ANKS1B: variants seen among roughly 807,000 people sequenced by gnomAD.
ANKS1B encodes ankyrin repeat and sterile alpha motif domain containing 1B.
ANKS1B carries 36 observed loss-of-function variants against 148.3 expected under a neutral mutation model. That is an observed-to-expected ratio of 0.24 (90% CI 0.19 to 0.32). ANKS1B has a LOEUF of 0.32. Among genes scored for constraint, ANKS1B ranks in the 10% least tolerant of loss-of-function variants. ANKS1B has a pLI of 1.00. For missense variants in ANKS1B, 1,157 were observed against 1,542.6 expected, an observed-to-expected ratio of 0.75 and a Z score of 4.19; for synonymous variants, 542 against 560.8, an observed-to-expected ratio of 0.97 and a Z score of 0.47.
intron 2 of ANKS1B, among the ~76,000 whole-genome samples, chr12:99,816,586 AC>A (rs1304630224): frequency 1.3e-5 from 2 of 151,770 alleles, no homozygotes; most frequent in Non-Finnish European, 2.9e-5. Context: ...ATCGAGCTTT[AC>A]ATCTTATTCA....
chr12:98,854,930 C>T lies in ANKS1B; in HGVS notation c.2779-22794G>A, dbSNP rs567009969. On this transcript the variant is annotated intron_variant, in intron 17 of 26. Transcript: ENST00000683438. ...ATCCCAGCACTTTGGGAGGCCGAGGCGGGTGGATCATGAGGTCAGGAGATC... is the reference window on the plus strand; with the variant it reads ...ATCCCAGCACTTTGGGAGGCCGAGGTGGGTGGATCATGAGGTCAGGAGATC... Among the ~76,000 whole-genome samples, 40 of 152,136 alleles carry T rather than the reference C, an allele frequency of 2.6e-4. 1 individual carries two copies. In the South Asian group the frequency reaches 7.5e-3, roughly 28 times the overall value.
intron 12 of ANKS1B, among the ~76,000 whole-genome samples, chr12:99,311,652 T>C (rs1252650367): frequency 6.6e-6 from 1 of 152,148 alleles, no homozygotes; most frequent in African/African-American, 2.4e-5. Context: ...GGATTAATAA[T>C]CTACATTTTA....
chr12:98,777,143 T>C (rs1323684732), intron 24 of ANKS1B, among the ~76,000 whole-genome samples: 1 of 152,054 alleles, frequency 6.6e-6, no homozygotes, highest in Non-Finnish European at 1.5e-5. Context: ...CAGTGAGCCG[T>C]GGTGGCGCCA....
intron 17 of ANKS1B, among the ~76,000 whole-genome samples, chr12:98,951,394 A>G (rs781187600): frequency 6.6e-6 from 1 of 152,182 alleles, no homozygotes; most frequent in Non-Finnish European, 1.5e-5. Flanking sequence ...GAGAAACAAA[A>G]AAATTCATCC....
intron 1 of ANKS1B, among the ~76,000 whole-genome samples, chr12:99,980,985 G>C (rs971862576): frequency 5.0e-4 from 76 of 151,972 alleles, no homozygotes; most frequent in Admixed American, 5.0e-3. Flanking sequence ...GAAAATTTCC[G>C]CACTAGGTGA....
At chr12:99,885,741 C>G (rs2092793819) in intron 1 of ANKS1B, among the ~76,000 whole-genome samples, 1 of 151,934 alleles carries the variant, frequency 6.6e-6, no homozygotes, top group Non-Finnish European at 1.5e-5. Context: ...TTTTTTTATC[C>G]CTTACCCCTC....
chr12:98,919,405 A>C (rs560497622), intron 17 of ANKS1B, among the ~76,000 whole-genome samples: 2 of 152,292 alleles, frequency 1.3e-5, no homozygotes, highest in Non-Finnish European at 2.9e-5. Context: ...AATGAGGGAG[A>C]ACATATGATC....
intron 13 of ANKS1B, 119 bp downstream of exon 13, chr12:99,246,156 G>A: frequency 1.4e-6 from 1 of 721,438 alleles, no homozygotes; most frequent in Non-Finnish European, 2.2e-6. Flanking sequence ...ATTCCAGTTG[G>A]AGCCGTATGC....
intron 15 of ANKS1B, among the ~76,000 whole-genome samples, chr12:99,128,701 A>C (rs900813936): frequency 6.6e-6 from 1 of 152,202 alleles, no homozygotes; most frequent in African/African-American, 2.4e-5. Context: ...GTGGTATAGC[A>C]TTATGAGAAA....
At chr12:98,735,734 T>C (rs1188031748) in intron 9 of ANKS1B, 7 of 582,226 alleles carry the variant, frequency 1.2e-5, no homozygotes, top group South Asian at 6.5e-5. Context: ...GTGGTAGGTA[T>C]TGGGAACACA....
At chr12:99,835,188 G>C (rs1228891225) in intron 1 of ANKS1B, among the ~76,000 whole-genome samples, 2 of 143,734 alleles carry the variant, frequency 1.4e-5, no homozygotes, top group Non-Finnish European at 3.0e-5. Flanking sequence ...AAGACAGGTG[G>C]ATCACTTGAG....
At chr12:98,764,445 C>T (rs926907185) in intron 25 of ANKS1B, among the ~76,000 whole-genome samples, 1 of 152,088 alleles carries the variant, frequency 6.6e-6, no homozygotes, top group Non-Finnish European at 1.5e-5. Context: ...CCAGGCTGGT[C>T]ACAAACTCCC....
chr12:99,762,027 A>G (rs2062174596), intron 8 of ANKS1B, among the ~76,000 whole-genome samples: 1 of 152,052 alleles, frequency 6.6e-6, no homozygotes, highest in African/African-American at 2.4e-5. Flanking sequence ...TACAAAACCC[A>G]CTGTTCAAAG....
chr12:99,838,470 T>C (rs779968408), intron 1 of ANKS1B, among the ~76,000 whole-genome samples: 1 of 152,160 alleles, frequency 6.6e-6, no homozygotes, highest in Non-Finnish European at 1.5e-5. Context: ...CCAGTTTTTG[T>C]ATTGAGTTTT....
intron 12 of ANKS1B, among the ~76,000 whole-genome samples, chr12:99,326,281 TTC>T (rs919125437): frequency 1.3e-5 from 2 of 152,092 alleles, no homozygotes; most frequent in African/African-American, 4.8e-5. Flanking sequence ...CTTGTTGACT[TTC>T]TGGAGGGTCA....
chr12:99,448,866 A>G (rs1233941428), intron 10 of ANKS1B, among the ~76,000 whole-genome samples: 2 of 152,090 alleles, frequency 1.3e-5, no homozygotes, highest in Non-Finnish European at 2.9e-5. Flanking sequence ...TCTCTACCAT[A>G]TAACTTCCAA....
chr12:99,056,267 C>T (rs1385409052), intron 16 of ANKS1B, among the ~76,000 whole-genome samples: 1 of 152,088 alleles, frequency 6.6e-6, no homozygotes, highest in African/African-American at 2.4e-5. Context: ...GTTCTGCATA[C>T]CTGAAGAGAG....
At chr12:99,105,120 A>C (rs1242027912) in intron 15 of ANKS1B, 3 of 152,240 alleles carry the variant, frequency 2.0e-5, no homozygotes, top group Non-Finnish European at 4.4e-5. Context: ...ATAATGGGAG[A>C]CCATCTAGAA....
At chr12:99,566,504 T>C (rs1005735048) in intron 9 of ANKS1B, among the ~76,000 whole-genome samples, 1 of 152,190 alleles carries the variant, frequency 6.6e-6, no homozygotes, top group Non-Finnish European at 1.5e-5. Context: ...CAGGCTGCTA[T>C]GGTTTGAATG....
Sources: allele counts gnomAD v4.1 joint callset (sites outside exome capture counted in the v4.1 genomes callset), GRCh38; gene constraint gnomAD v4.1.1; transcripts MANE v1.5; gene names NCBI Gene and HGNC (gene_info 2026-07-23, HGNC 2026-07-21).